Variants in EVC observed in about 807,000 individuals in gnomAD.
EVC encodes EvC ciliary complex subunit 1.
EVC carries 116 observed loss-of-function variants against 118.9 expected under a neutral mutation model. The ratio of observed to expected loss-of-function variants is 0.98; its 90% CI spans 0.84 to 1.14. The LOEUF (loss-of-function observed/expected upper bound fraction) is 1.14. Among genes scored for constraint, EVC ranks in the 50% most tolerant of loss-of-function variants. EVC has a pLI of 0.00. For synonymous variants in EVC, 619 were observed against 534.7 expected (o/e 1.16, Z -2.18); for missense variants, 1,401 against 1,246.4 (o/e 1.12, Z -1.87).
chr4:5,736,002 A>G (rs1727610084), intron 5 of EVC, among the ~76,000 whole-genome samples: 1 of 152,142 alleles, frequency 6.6e-6, no homozygotes, highest in African/African-American at 2.4e-5. Context: ...TTCAGAAGTT[A>G]TTCAGACCAC....
chr4:5,791,513 G>C (rs1414848917), intron 12 of EVC, among the ~76,000 whole-genome samples: 2 of 152,196 alleles, frequency 1.3e-5, no homozygotes, highest in Admixed American at 6.5e-5. Context: ...CAGTATCCAG[G>C]AAGGCAGAGA....
intron 2 of EVC, among the ~76,000 whole-genome samples, chr4:5,724,367 A>G (rs1725460055): frequency 6.6e-6 from 1 of 152,224 alleles, no homozygotes. Context: ...GCGATGCCTC[A>G]GTATCTGATA....
intron 12 of EVC, among the ~76,000 whole-genome samples, chr4:5,792,099 A>C (rs1437167791): frequency 2.4e-5 from 2 of 83,268 alleles, no homozygotes; most frequent in African/African-American, 7.5e-5. Context: ...TGATGAATCC[A>C]ATAAAAGAGA....
intron 11 of EVC, among the ~76,000 whole-genome samples, chr4:5,774,356 C>T (rs79576092): frequency 9.4e-4 from 143 of 151,970 alleles, no homozygotes; most frequent in African/African-American, 2.7e-3. Context: ...TCTTGAGAAC[C>T]ACACACTAAC....
intron 11 of EVC, among the ~76,000 whole-genome samples, chr4:5,761,158 C>T (rs1477331455): frequency 6.6e-6 from 1 of 152,022 alleles, no homozygotes; most frequent in Non-Finnish European, 1.5e-5. Context: ...GACTGGGAGC[C>T]CATTTACTTT....
chr4:5,770,427 G>A (rs1221776233), intron 11 of EVC, among the ~76,000 whole-genome samples: 1 of 152,152 alleles, frequency 6.6e-6, no homozygotes, highest in Non-Finnish European at 1.5e-5. Flanking sequence ...AGGGGCCAAG[G>A]ACAGGCCAGA....
At chr4:5,777,707 C>T (rs1734909414) in intron 11 of EVC, among the ~76,000 whole-genome samples, 1 of 152,146 alleles carries the variant, frequency 6.6e-6, no homozygotes, top group Non-Finnish European at 1.5e-5. Flanking sequence ...ATCTCTAAAT[C>T]TTTTAAAAGA....
intron 18 of EVC, among the ~76,000 whole-genome samples, chr4:5,808,926 G>A (rs755749482): frequency 2.6e-5 from 4 of 152,174 alleles, no homozygotes; most frequent in Non-Finnish European, 5.9e-5. Context: ...CTCCACTGGC[G>A]ATGGCAGTCG....
intron 2 of EVC, among the ~76,000 whole-genome samples, chr4:5,729,030 A>G (rs544740384): frequency 1.1e-4 from 16 of 151,784 alleles, no homozygotes; most frequent in Non-Finnish European, 2.1e-4. Flanking sequence ...CCACCCATCT[A>G]TTCATCTGTC....
intron 15 of EVC, chr4:5,801,613 G>A (rs926913585): frequency 1.7e-5 from 5 of 295,156 alleles, no homozygotes; most frequent in Non-Finnish European, 2.6e-5. Flanking sequence ...CTGGGAGATG[G>A]AGGTTGCAGT....
At chr4:5,720,360 G>A (rs1724741770) in intron 2 of EVC, among the ~76,000 whole-genome samples, 2 of 152,158 alleles carry the variant, frequency 1.3e-5, no homozygotes, top group Non-Finnish European at 2.9e-5. Context: ...AGGAAGCCGA[G>A]GCTCAGAGGT....
chr4:5,731,397 CTGAG>C lies in EVC; in HGVS notation c.385-25_385-22del, dbSNP rs1323394736. On this transcript the variant is annotated intron_variant, in intron 3 of 20. Transcript: ENST00000264956. This position sits in a 1 kb window ranked among gnomAD's most constrained non-coding sequence, Gnocchi z 5.6. ...TCAAATCCCAGAGGCATCACATGGACTGAGTGTGACTCCTACTGCCACCCCAGCC... is the reference window on the plus strand; with the variant it reads ...TCAAATCCCAGAGGCATCACATGGACTGTGACTCCTACTGCCACCCCAGCC... 6.5e-7 allele frequency: 1 copy of C among 1,530,766 alleles called. No individual in the cohort carries two copies. Among genetic ancestry groups the C allele is most frequent in the Non-Finnish European group, 9.1e-7 (1 of 1,104,370 alleles). The allele number at this position is 1,530,766 out of a possible 1,614,324, so 94.8% of individuals were successfully genotyped here. A position where few individuals can be genotyped will look rare whatever the true frequency, so the allele number is the denominator to read the frequency against.
At chr4:5,808,387 T>A (rs1716352840) in intron 18 of EVC, 60 bp downstream of exon 18, 2 of 1,611,786 alleles carry the variant, frequency 1.2e-6, no homozygotes, top group African/African-American at 1.3e-5. Flanking sequence ...CAGAAATAGC[T>A]GAAGCCAGCC....
At chr4:5,774,742 A>T (rs940069337) in intron 11 of EVC, among the ~76,000 whole-genome samples, 2 of 151,986 alleles carry the variant, frequency 1.3e-5, no homozygotes, top group South Asian at 2.1e-4. Flanking sequence ...AGCTTGGGGG[A>T]TGAGGCTCAG....
At chr4:5,828,728 A>G in the EVC span, 3 of 1,562,206 alleles carry the variant, frequency 1.9e-6, no homozygotes, top group African/African-American at 2.7e-5. Context: ...CGAGCTGTTC[A>G]TAACAGCGAT....
chr4:5,784,509 G>T (rs183616842), intron 12 of EVC, among the ~76,000 whole-genome samples: 1 of 152,156 alleles, frequency 6.6e-6, no homozygotes. Flanking sequence ...CAGCCTTCTG[G>T]CCTCAAAACT....
At chr4:5,751,266 C>T (rs1380293770) in intron 8 of EVC, among the ~76,000 whole-genome samples, 1 of 152,214 alleles carries the variant, frequency 6.6e-6, no homozygotes, top group Non-Finnish European at 1.5e-5. Flanking sequence ...ACTGTTGACT[C>T]AGCCACACTC....
chr4:5,824,367 G>C, the EVC span: 1 of 985,412 alleles, frequency 1.0e-6, no homozygotes, highest in Non-Finnish European at 1.2e-6. Context: ...CTTATGGAGA[G>C]TGAGATGAAT....
chr4:5,769,084 T>G (rs1274588988), intron 11 of EVC, among the ~76,000 whole-genome samples: 1 of 152,122 alleles, frequency 6.6e-6, no homozygotes, highest in Non-Finnish European at 1.5e-5. Context: ...GTTCTCACAC[T>G]TGTAATAAAG....
Sources: gnomAD v4.1 joint callset for allele counts (sites outside exome capture counted in the v4.1 genomes callset) on GRCh38, gnomAD v4.1.1 for gene constraint, Gnocchi (gnomAD v3.1) non-coding constraint, MANE v1.5 for transcripts, NCBI Gene and HGNC (gene_info 2026-07-23, HGNC 2026-07-21) for gene names.